Variants in KLHL1 observed in about 807,000 individuals in gnomAD.
The protein encoded by KLHL1 is kelch like family member 1, also known as kelch-like protein 1.
A neutral mutation model predicts 77.7 loss-of-function variants in KLHL1; 47 were observed. That is an observed-to-expected ratio of 0.60 (90% confidence interval 0.48 to 0.77). KLHL1 has a LOEUF of 0.77. KLHL1 is among the 30% of genes least tolerant of loss of function. KLHL1 has a pLI of 0.00. For synonymous variants in KLHL1, 360 were observed against 325.2 expected (o/e 1.11, Z -1.15); for missense variants, 925 against 910.8 (o/e 1.02, Z -0.20).
chr13:70,037,647 C>T lies in KLHL1; in HGVS notation c.498-61845G>A, dbSNP rs1886272759. On this transcript the variant is annotated intron_variant, in intron 1 of 10. Transcript: ENST00000377844. The stretch of plus-strand genomic sequence containing the variant: ...CAATTATATATGTTAGAACTTAACC[C>T]TCCATTCTCAGTTGCTTAACTTTAG... Among the ~76,000 whole-genome samples the T allele has an allele frequency of 2.0e-5, 3 of 151,850 alleles. No homozygotes were observed. In the South Asian group the frequency reaches 6.2e-4, roughly 31 times the overall value.
intron 4 of KLHL1, among the ~76,000 whole-genome samples, chr13:69,934,499 C>G (rs967851993): frequency 1.2e-4 from 18 of 151,906 alleles, no homozygotes. Flanking sequence ...CTAGGGTATA[C>G]TAATCTCTAT....
chr13:69,784,766 G>C (rs1167596725), intron 7 of KLHL1, among the ~76,000 whole-genome samples: 3 of 151,166 alleles, frequency 2.0e-5, no homozygotes, highest in East Asian at 1.9e-4. Flanking sequence ...GTCAATATTA[G>C]ACAGATCAAC....
chr13:69,808,995 C>G (rs1351879580), intron 6 of KLHL1, among the ~76,000 whole-genome samples: 1 of 146,310 alleles, frequency 6.8e-6, no homozygotes, highest in Non-Finnish European at 1.5e-5. Flanking sequence ...TTTAAATCTA[C>G]CTAGTCAGAA....
chr13:70,096,325 TC>T (rs553524099), intron 1 of KLHL1, among the ~76,000 whole-genome samples: 195 of 152,176 alleles, frequency 1.3e-3, no homozygotes, highest in African/African-American at 4.4e-3. Flanking sequence ...ATATGAGGGC[TC>T]CCCTTTCTCT....
At chr13:69,836,369 A>C (rs1361129319) in intron 6 of KLHL1, among the ~76,000 whole-genome samples, 1 of 152,140 alleles carries the variant, frequency 6.6e-6, no homozygotes, top group Non-Finnish European at 1.5e-5. Flanking sequence ...GCAGAAATCC[A>C]GGCAGAAAAT....
At chr13:69,818,896 T>A (rs1385246047) in intron 6 of KLHL1, among the ~76,000 whole-genome samples, 2 of 152,206 alleles carry the variant, frequency 1.3e-5, no homozygotes, top group Non-Finnish European at 2.9e-5. Context: ...AACCCTTCTT[T>A]TATTATATTG....
chr13:70,032,984 A>T (rs1024653181), intron 1 of KLHL1, among the ~76,000 whole-genome samples: 4 of 152,134 alleles, frequency 2.6e-5, no homozygotes, highest in Non-Finnish European at 5.9e-5. Context: ...ATTCAATGGG[A>T]TTGCTTTTTG....
intron 7 of KLHL1, among the ~76,000 whole-genome samples, chr13:69,756,658 A>G (rs1874756024): frequency 6.6e-6 from 1 of 152,176 alleles, no homozygotes; most frequent in African/African-American, 2.4e-5. Flanking sequence ...TAAGTAACTA[A>G]ATTAAGAATC....
At chr13:69,977,250 T>C (rs896398475) in intron 1 of KLHL1, among the ~76,000 whole-genome samples, 14 of 152,146 alleles carry the variant, frequency 9.2e-5, no homozygotes, top group African/African-American at 3.4e-4. Flanking sequence ...TGTTCGAATA[T>C]ATGGATCACA....
At chr13:69,943,855 T>C (rs1555283877) in intron 3 of KLHL1, among the ~76,000 whole-genome samples, 1 of 152,200 alleles carries the variant, frequency 6.6e-6, no homozygotes, top group Non-Finnish European at 1.5e-5. Flanking sequence ...GCATGCTTCT[T>C]AGCATAGATC....
intron 7 of KLHL1, among the ~76,000 whole-genome samples, chr13:69,745,958 C>T (rs970434321): frequency 6.6e-6 from 1 of 151,520 alleles, no homozygotes; most frequent in Non-Finnish European, 1.5e-5. Flanking sequence ...ATCCAGAACA[C>T]AGTACATAGC....
chr13:70,067,758 C>G (rs1442859547), intron 1 of KLHL1, among the ~76,000 whole-genome samples: 1 of 152,152 alleles, frequency 6.6e-6, no homozygotes, highest in African/African-American at 2.4e-5. Context: ...GAATCCAGAA[C>G]TGATAATGAG....
At chr13:70,101,395 G>A (rs1887917952) in intron 1 of KLHL1, among the ~76,000 whole-genome samples, 1 of 151,660 alleles carries the variant, frequency 6.6e-6, no homozygotes, top group South Asian at 2.1e-4. Flanking sequence ...CTGGAGTTTT[G>A]GGTACCTGAA....
chr13:69,827,364 T>C (rs957903736), intron 6 of KLHL1, among the ~76,000 whole-genome samples: 5 of 151,980 alleles, frequency 3.3e-5, no homozygotes, highest in African/African-American at 9.7e-5. Context: ...TAATCTTCAG[T>C]AAAATTCTAA....
chr13:69,993,513 G>A (rs181810701), intron 1 of KLHL1, among the ~76,000 whole-genome samples: 12 of 152,032 alleles, frequency 7.9e-5, no homozygotes, highest in Admixed American at 2.6e-4. Flanking sequence ...AAAAGAGGTC[G>A]GTGTATTATT....
At chr13:69,799,668 G>A (rs1178554279) in intron 6 of KLHL1, among the ~76,000 whole-genome samples, 1 of 152,122 alleles carries the variant, frequency 6.6e-6, no homozygotes, top group Admixed American at 6.5e-5. Flanking sequence ...AGTTCAGGAG[G>A]TCAGAAATCT....
chr13:69,737,843 A>T (rs1873825896), intron 8 of KLHL1, among the ~76,000 whole-genome samples: 1 of 152,140 alleles, frequency 6.6e-6, no homozygotes, highest in Non-Finnish European at 1.5e-5. Flanking sequence ...AGCCCAGACG[A>T]GGGGGATTTT....
At chr13:69,746,468 T>A (rs1874217415) in intron 7 of KLHL1, among the ~76,000 whole-genome samples, 1 of 152,038 alleles carries the variant, frequency 6.6e-6, no homozygotes, top group Non-Finnish European at 1.5e-5. Flanking sequence ...TTTATCTAAT[T>A]AATCAGCTAC....
chr13:69,772,888 T>A (rs990688160), intron 7 of KLHL1, among the ~76,000 whole-genome samples: 3 of 152,086 alleles, frequency 2.0e-5, no homozygotes, highest in African/African-American at 7.2e-5. Flanking sequence ...AACAAAGCAC[T>A]AGAGTGTTTG....
Sources: allele counts gnomAD v4.1 joint callset (sites outside exome capture counted in the v4.1 genomes callset), GRCh38; gene constraint gnomAD v4.1.1; transcripts MANE v1.5; gene names NCBI Gene and HGNC (gene_info 2026-07-23, HGNC 2026-07-21).